Variants in ANO7 observed in about 807,000 individuals in gnomAD.
ANO7 encodes the protein anoctamin-7.
In ANO7, 114 loss-of-function variants were observed where a neutral mutation model predicts 115.8. That is an observed-to-expected ratio of 0.98 (90% CI 0.85 to 1.15). The LOEUF (loss-of-function observed/expected upper bound fraction) is 1.15, where lower values mean the gene tolerates loss of function less well. ANO7 is among the 50% of genes most tolerant of loss of function. The pLI, the probability that ANO7 is intolerant of heterozygous loss-of-function variation, is 0.00. For synonymous variants in ANO7, 550 were observed against 498.2 expected (o/e 1.10, Z -1.38); for missense variants, 1,302 against 1,201.2 (o/e 1.08, Z -1.24).
At chr2:241,206,642 G>T (rs1442475792) in intron 10 of ANO7, among the ~76,000 whole-genome samples, 3 of 41,354 alleles carry the variant, frequency 7.3e-5, no homozygotes, top group South Asian at 1.1e-3. Flanking sequence ...GTGCTCCCAG[G>T]CTGACAGGTG....
intron 3 of ANO7, among the ~76,000 whole-genome samples, chr2:241,194,397 CT>C (rs2149115729): frequency 6.6e-6 from 1 of 151,124 alleles, no homozygotes; most frequent in South Asian, 2.1e-4. Flanking sequence ...TCACTGCAAG[CT>C]CCGTCTCCTG....
the ANO7 span, chr2:241,238,834 T>G: frequency 2.7e-6 from 4 of 1,465,432 alleles, no homozygotes; most frequent in Admixed American, 8.8e-5. This position sits in a 1 kb window ranked among gnomAD's most constrained non-coding sequence, Gnocchi z 4.9. Flanking sequence ...AAGATTAAAT[T>G]CCTTAGGGCA....
rs544576777 is a variant in ANO7, at chr2:241,189,000, G to T, written c.-8+234G>T. Among the ~76,000 whole-genome samples the T allele has an allele frequency of 6.6e-6, 1 of 152,326 alleles. No homozygotes were observed. The highest frequency in any genetic ancestry group is 2.1e-4 in the South Asian group (1 of 4,834). ...GGGGTTGGCTTCCTGCCTGCCCAGG[G>T]GCTCCCCCATGGAGCAGGTCCCTTC... On this transcript the variant is annotated intron_variant, in intron 1 of 24. Transcript: ENST00000674324. This position sits in a 1 kb window ranked among gnomAD's most constrained non-coding sequence, Gnocchi z 4.3.
chr2:241,219,782 T>A (rs2068966073), intron 21 of ANO7, among the ~76,000 whole-genome samples: 1 of 151,302 alleles, frequency 6.6e-6, no homozygotes, highest in Admixed American at 6.6e-5. Context: ...CTATGTTATG[T>A]TACTCAGGCT....
chr2:241,230,035 G>C (rs548317081), downstream of ANO7: 13 of 1,578,128 alleles, frequency 8.2e-6, no homozygotes, highest in African/African-American at 1.3e-4. The surrounding 1 kb of genome is among the most constrained non-coding windows in gnomAD (Gnocchi z 5.0). Flanking sequence ...GCTCACCCCT[G>C]CACCTCGCCT....
In ANO7 at chr2:241,217,734, C is replaced by T. The variant is rs1217303508; in HGVS notation, c.2021C>T (p.Ala674Val). The change falls in exon 20 of 25, where the codon GCG becomes GTG. Residue 674 changes from alanine (A) to valine (V), a missense_variant. Physicochemically the swap from Ala to Val is moderately conservative, Grantham distance 64. Coordinates refer to ENST00000674324, the MANE Select transcript of ANO7 (RefSeq NM_001370694.2). ...ATCTTCGTGGCCGCCTGTCCGCTCG[C>T]GCCGCTCTTCGCCCTGCTCAACAAC... ...VTIFVAACPLAPLFALLNNWV... is the reference protein window; with the variant it reads ...VTIFVAACPLVPLFALLNNWV... The T allele has an allele frequency of 2.5e-6, 4 of 1,602,876 alleles. No individual in the cohort carries two copies. Among genetic ancestry groups the T allele is most frequent in the Non-Finnish European group, 3.4e-6 (4 of 1,175,336 alleles).
the ANO7 span, chr2:241,240,250 A>G: frequency 5.8e-6 from 5 of 862,130 alleles, no homozygotes; most frequent in African/African-American, 6.6e-5. The surrounding 1 kb of genome is among the most constrained non-coding windows in gnomAD (Gnocchi z 5.5). Context: ...CTGATGTTGC[A>G]CCAATACCCC....
intron 11 of ANO7, among the ~76,000 whole-genome samples, chr2:241,209,008 G>C (rs1233549279): frequency 3.9e-5 from 6 of 152,316 alleles, no homozygotes; most frequent in African/African-American, 1.4e-4. Context: ...ATTTAGCCGG[G>C]CGTGGTGGCG....
chr2:241,199,098 G>T (rs2068408759), intron 4 of ANO7: 1 of 535,112 alleles, frequency 1.9e-6, no homozygotes, highest in Non-Finnish European at 3.4e-6. Context: ...CAAATCTGTT[G>T]CTGGGGCCGA....
downstream of ANO7, chr2:241,230,245 C>T (rs759712338): frequency 1.1e-5 from 17 of 1,597,258 alleles, no homozygotes; most frequent in African/African-American, 2.7e-5. The surrounding 1 kb of genome is among the most constrained non-coding windows in gnomAD (Gnocchi z 5.0). Flanking sequence ...TCTGGGGCTC[C>T]GCTCTGTGGG....
chr2:241,231,358 T>C, the ANO7 span: 1 of 141,478 alleles, frequency 7.1e-6, no homozygotes, highest in Non-Finnish European at 1.5e-5. Context: ...CACTCCAGCC[T>C]GGGCAACAGA....
rs2068526821 is a variant in ANO7, at chr2:241,203,737, C to T, written c.889+239C>T. On this transcript the variant is annotated intron_variant, in intron 9 of 24. Coordinates refer to ENST00000674324, the MANE Select transcript of ANO7 (RefSeq NM_001370694.2). The surrounding 1 kb of genome is among the most constrained non-coding windows in gnomAD (Gnocchi z 4.8). ...ATGCTCCAGTAACAGTGCTGAGAGC[C>T]GCTTCTGCTGGTGGGGGTCTCTCCT... is the stretch of plus-strand genomic sequence containing the variant. Among the ~76,000 whole-genome samples the T allele has an allele frequency of 2.0e-5, 3 of 152,088 alleles. No individual in the cohort carries two copies. Among genetic ancestry groups the T allele is most frequent in the African/African-American group, 7.2e-5 (3 of 41,424 alleles).
At chr2:241,232,984 A>AGAAGGG in the ANO7 span, among the ~76,000 whole-genome samples, 7 of 144,368 alleles carry the variant, frequency 4.8e-5, no homozygotes, top group African/African-American at 1.7e-4. Flanking sequence ...CTGGGGAGGA[A>AGAAGGG]GAAGGGGAAG....
chr2:241,218,294 C>A lies in ANO7; in HGVS notation c.2234C>A (p.Thr745Asn). 2.6e-6 allele frequency: 4 copies of A among 1,535,674 alleles called. No homozygotes were observed. Among genetic ancestry groups the A allele is most frequent in the Non-Finnish European group, 3.5e-6 (4 of 1,148,936 alleles). The part of the protein sequence containing the change: ...DFLPRAYYRW[T>N]RAHDLRGFLN... ...CTGCCGCGCGCCTACTACCGGTGGA[C>A]CCGCGCCCACGACCTGCGCGGCTTC... Residue 745 changes from threonine to asparagine, a missense_variant, in exon 21 of 25, where the codon ACC becomes AAC. Transcript: ENST00000674324.
chr2:241,189,736 C>T (rs2068143631), intron 1 of ANO7, among the ~76,000 whole-genome samples: 1 of 152,186 alleles, frequency 6.6e-6, no homozygotes, highest in South Asian at 2.1e-4. Context: ...CCTTCTCAGG[C>T]TCCACTGAGT....
downstream of ANO7, chr2:241,227,682 G>A (rs908217117): frequency 1.3e-5 from 2 of 152,650 alleles, no homozygotes; most frequent in Non-Finnish European, 2.9e-5. Context: ...CTTTGGGAGA[G>A]GGTAGGGGCA....
chr2:241,191,150 A>G (rs1302006545), intron 2 of ANO7, 44 bp from the exon 3 acceptor site: 2 of 1,611,262 alleles, frequency 1.2e-6, no homozygotes, highest in Middle Eastern at 1.7e-4. Flanking sequence ...TGTCGAGGGC[A>G]GATGCTGATG....
rs1337803134 is a variant in ANO7 at position 241,195,706 on chromosome 2, A to T, written c.170A>T (p.Asp57Val). ...AGSPAKPRIA[D>V]FVLVWEEDLK... ...CTCTGTCCCTGTTGGCTCCCAGCAG[A>T]CTTCGTCCTCGTTTGGGAGGAGGAC... is the stretch of plus-strand genomic sequence containing the variant. Residue 57 changes from aspartate to valine, a missense_variant, in exon 4 of 25, where the codon GAC (aspartate) becomes GTC (valine). Coordinates refer to ENST00000674324, the MANE Select transcript of ANO7 (RefSeq NM_001370694.2). The T allele has an allele frequency of 6.2e-7, 1 of 1,614,054 alleles. No homozygotes were observed. The highest frequency in any genetic ancestry group is 1.7e-5 in the Admixed American group (1 of 60,016).
intron 6 of ANO7, among the ~76,000 whole-genome samples, chr2:241,200,465 G>A (rs1036688978): frequency 9.8e-5 from 15 of 152,368 alleles, no homozygotes; most frequent in African/African-American, 1.7e-4. Context: ...GGCTGGACAC[G>A]CGAGGTCTAG....
Sources: allele counts gnomAD v4.1 joint callset (sites outside exome capture counted in the v4.1 genomes callset), GRCh38; gene constraint gnomAD v4.1.1; non-coding constraint Gnocchi (gnomAD v3.1); transcripts MANE v1.5; gene names NCBI Gene and HGNC (gene_info 2026-07-23, HGNC 2026-07-21).